The following ADAMTS3 variants were observed in gnomAD, a reference collection of about 807,000 sequenced individuals.
The protein encoded by ADAMTS3 is A disintegrin and metalloproteinase with thrombospondin motifs 3.
A neutral mutation model predicts 129.0 loss-of-function variants in ADAMTS3; 73 were observed. That is an observed-to-expected ratio of 0.57 (90% CI 0.47 to 0.69). The LOEUF (loss-of-function observed/expected upper bound fraction) is 0.69. Among genes scored for constraint, ADAMTS3 ranks in the 30% least tolerant of loss-of-function variants. The pLI, the probability that ADAMTS3 is intolerant of heterozygous loss-of-function variation, is 0.00. For synonymous variants in ADAMTS3, 477 were observed against 510.8 expected, an observed-to-expected ratio of 0.93 and a Z score of 0.89; for missense variants, 1,457 against 1,514.5, an observed-to-expected ratio of 0.96 and a Z score of 0.63.
chr4:72,443,198 G>T (rs1012796752), intron 3 of ADAMTS3, among the ~76,000 whole-genome samples: 6 of 151,636 alleles, frequency 4.0e-5, no homozygotes, highest in Non-Finnish European at 5.9e-5. Flanking sequence ...CAAAAGACAT[G>T]TATATGTAAA....
At chr4:72,319,584 C>A in intron 8 of ADAMTS3, 109 bp from the exon 9 acceptor site, 1 of 1,339,718 alleles carries the variant, frequency 7.5e-7, no homozygotes, top group South Asian at 1.5e-5. Flanking sequence ...GTCAACGTGG[C>A]TTTCTTGAAG....
intron 3 of ADAMTS3, among the ~76,000 whole-genome samples, chr4:72,447,891 T>C (rs532755222): frequency 2.0e-5 from 3 of 151,916 alleles, no homozygotes; most frequent in African/African-American, 7.2e-5. Flanking sequence ...ACCTGGAGAC[T>C]GCACCAACAT....
At chr4:72,424,983 T>C (rs1413545022) in intron 3 of ADAMTS3, among the ~76,000 whole-genome samples, 1 of 152,144 alleles carries the variant, frequency 6.6e-6, no homozygotes, top group East Asian at 1.9e-4. Context: ...TTCTTTGTCA[T>C]ATTGAAGAGG....
intron 3 of ADAMTS3, among the ~76,000 whole-genome samples, chr4:72,528,113 T>C (rs907515918): frequency 8.5e-5 from 13 of 152,096 alleles, no homozygotes; most frequent in Non-Finnish European, 2.9e-5. Flanking sequence ...GCTGTAGTAA[T>C]AACACTGACT....
At chr4:72,540,509 AC>A (rs1266491311) in intron 3 of ADAMTS3, among the ~76,000 whole-genome samples, 1 of 152,240 alleles carries the variant, frequency 6.6e-6, no homozygotes, top group Non-Finnish European at 1.5e-5. Flanking sequence ...TGCATAAATA[AC>A]AAGGAGCCAA....
intron 3 of ADAMTS3, among the ~76,000 whole-genome samples, chr4:72,466,424 C>A (rs991040982): frequency 6.6e-6 from 1 of 152,054 alleles, no homozygotes; most frequent in Admixed American, 6.6e-5. Context: ...AGAAAAGACA[C>A]TACGGCAACA....
chr4:72,373,234 T>C (rs1255073500), intron 4 of ADAMTS3, among the ~76,000 whole-genome samples: 3 of 152,202 alleles, frequency 2.0e-5, no homozygotes, highest in East Asian at 3.9e-4. Flanking sequence ...CAGAGCAACA[T>C]TGATGCACAC....
At chr4:72,286,279 G>T (rs1362331657) in intron 21 of ADAMTS3, among the ~76,000 whole-genome samples, 1 of 152,120 alleles carries the variant, frequency 6.6e-6, no homozygotes, top group African/African-American at 2.4e-5. Context: ...AACTACATAA[G>T]AATAAAATAT....
intron 4 of ADAMTS3, among the ~76,000 whole-genome samples, chr4:72,392,215 G>A (rs979781896): frequency 1.3e-5 from 2 of 152,054 alleles, no homozygotes; most frequent in Non-Finnish European, 2.9e-5. Context: ...GTACCATCCT[G>A]CTGATATTTC....
intron 3 of ADAMTS3, among the ~76,000 whole-genome samples, chr4:72,468,127 C>T (rs962226405): frequency 2.0e-5 from 3 of 152,010 alleles, no homozygotes; most frequent in Non-Finnish European, 4.4e-5. Flanking sequence ...AGCTCAAGAA[C>T]ATTCTTCATT....
chr4:72,442,996 A>C (rs1283566367), intron 3 of ADAMTS3, among the ~76,000 whole-genome samples: 2 of 151,776 alleles, frequency 1.3e-5, no homozygotes, highest in African/African-American at 2.4e-5. Context: ...TACTACAACG[A>C]TAAAAGGTTT....
At chr4:72,319,742 G>T in intron 8 of ADAMTS3, 116 bp downstream of exon 8, 1 of 917,876 alleles carries the variant, frequency 1.1e-6, no homozygotes, top group Non-Finnish European at 1.7e-6. Flanking sequence ...CTTCACACTT[G>T]GCAAAAGACA....
chr4:72,312,265 AG>A (rs761661111), intron 13 of ADAMTS3, 25 bp downstream of exon 13: 21 of 1,612,232 alleles, frequency 1.3e-5, no homozygotes, highest in Middle Eastern at 3.4e-4. Context: ...TCCACACAGC[AG>A]GAAGGAGAGC....
chr4:72,551,047 CT>C (rs750764445), intron 2 of ADAMTS3, among the ~76,000 whole-genome samples: 5 of 152,156 alleles, frequency 3.3e-5, no homozygotes, highest in Non-Finnish European at 5.9e-5. Flanking sequence ...CACACACTGA[CT>C]TACAAGACAC....
intron 17 of ADAMTS3, among the ~76,000 whole-genome samples, chr4:72,301,017 A>G (rs542751517): frequency 1.4e-4 from 22 of 152,326 alleles, no homozygotes; most frequent in African/African-American, 4.8e-4. Flanking sequence ...CACAGAAACT[A>G]TAAGTATTGC....
intron 4 of ADAMTS3, among the ~76,000 whole-genome samples, chr4:72,360,244 T>C (rs1400185363): frequency 6.6e-6 from 1 of 152,046 alleles, no homozygotes; most frequent in Non-Finnish European, 1.5e-5. Context: ...GAATTTCCTA[T>C]CCCTGGACTG....
At chr4:72,339,760 A>C in intron 4 of ADAMTS3, 67 bp from the exon 5 acceptor site, 1 of 1,318,872 alleles carries the variant, frequency 7.6e-7, no homozygotes, top group Admixed American at 1.8e-5. Flanking sequence ...ACTTCTTAGA[A>C]AAAAAGAATC....
chr4:72,526,534 C>A (rs990567786), intron 3 of ADAMTS3, among the ~76,000 whole-genome samples: 3 of 144,756 alleles, frequency 2.1e-5, no homozygotes, highest in Non-Finnish European at 4.5e-5. Context: ...AAACAGTCTA[C>A]TAATTAGTAA....
At chr4:72,562,592 A>T (rs1382235024) in intron 2 of ADAMTS3, among the ~76,000 whole-genome samples, 1 of 152,222 alleles carries the variant, frequency 6.6e-6, no homozygotes, top group Non-Finnish European at 1.5e-5. Context: ...TTATACAAAA[A>T]ATACAGTGTG....
Sources: allele counts gnomAD v4.1 joint callset (sites outside exome capture counted in the v4.1 genomes callset), GRCh38; gene constraint gnomAD v4.1.1; transcripts MANE v1.5; gene names NCBI Gene and HGNC (gene_info 2026-07-23, HGNC 2026-07-21).